Variants in APMAP observed in about 807,000 individuals in gnomAD.
The protein encoded by APMAP is adipocyte plasma membrane-associated protein.
APMAP carries 33 observed loss-of-function variants against 43.6 expected under a neutral mutation model. That is an observed-to-expected ratio of 0.76 (90% CI 0.57 to 1.01). APMAP has a LOEUF of 1.01. APMAP is among the 50% of genes least tolerant of loss of function. The pLI, the probability that APMAP is intolerant of heterozygous loss-of-function variation, is 0.00. For synonymous variants in APMAP, 224 were observed against 216.7 expected (o/e 1.03, Z -0.30); for missense variants, 498 against 540.7 (o/e 0.92, Z 0.78).
chr20:24,966,897 A>G (rs1366932947), intron 8 of APMAP, among the ~76,000 whole-genome samples: 1 of 152,236 alleles, frequency 6.6e-6, no homozygotes, highest in East Asian at 1.9e-4. Flanking sequence ...GCAGTGAGTG[A>G]CAGGGCATTA....
intron 1 of APMAP, among the ~76,000 whole-genome samples, chr20:24,991,649 T>A (rs2088193409): frequency 6.6e-6 from 1 of 152,212 alleles, no homozygotes; most frequent in African/African-American, 2.4e-5. Flanking sequence ...GGCACACTAC[T>A]GATGAACAAA....
rs2087986807 is a variant in APMAP at position 24,970,260 on chromosome 20, G to A, written c.650C>T (p.Ser217Phe). 6.2e-7 allele frequency: 1 copy of A among 1,614,016 alleles called. No homozygotes were observed. Among genetic ancestry groups the A allele is most frequent in the Non-Finnish European group, 8.5e-7 (1 of 1,180,052 alleles). ...GTCTCGTCTTTGCCATTTGCTGCTA[G>A]AATCGGTGAAATAAATCTTCCTCCC... ...QDGRKIYFTD[S>F]SSKWQRRDYL... The change falls in exon 6 of 9, where the codon TCT becomes TTT. Residue 217 changes from serine (S) to phenylalanine (F), a missense_variant. Coordinates refer to ENST00000217456, the MANE Select transcript of APMAP (RefSeq NM_020531.3).
intron 1 of APMAP, among the ~76,000 whole-genome samples, chr20:24,986,351 CACAA>C (rs1378790039): frequency 1.3e-5 from 2 of 152,172 alleles, no homozygotes; most frequent in Admixed American, 6.5e-5. Flanking sequence ...ACCCTACAAA[CACAA>C]ACAAAATGCC....
chr20:24,981,730 T>G (rs545046642), intron 2 of APMAP, among the ~76,000 whole-genome samples: 2 of 152,384 alleles, frequency 1.3e-5, no homozygotes, highest in East Asian at 3.9e-4. Flanking sequence ...TTTAAAATTA[T>G]AGCAACCAAA....
At chr20:24,987,711 T>C (rs1454982821) in intron 1 of APMAP, among the ~76,000 whole-genome samples, 1 of 152,186 alleles carries the variant, frequency 6.6e-6, no homozygotes, top group Non-Finnish European at 1.5e-5. Context: ...CTGGCCATTA[T>C]ACTAAAAATC....
Position 24,992,653 on chromosome 20 carries a change from G to A in APMAP, c.36C>T (p.Pro12=), listed in dbSNP as rs937320700. The A allele has an allele frequency of 1.3e-6, 2 of 1,560,610 alleles. No homozygotes were observed. The highest frequency in any genetic ancestry group is 1.4e-5 in the African/African-American group (1 of 72,970). ...CGTCTGTGACGACCTGCGGCCGCAGGGGCCGGCGCTGTCGCAGCCCGTCCG... is the reference window on the plus strand; with the variant it reads ...CGTCTGTGACGACCTGCGGCCGCAGAGGCCGGCGCTGTCGCAGCCCGTCCG... ...SEADGLRQRR[P]LRPQVVTDDD... is the part of the protein sequence containing the mutation. The change falls in exon 1 of 9, where the codon CCC becomes CCT. Residue 12 remains proline, a synonymous_variant. Transcript: ENST00000217456.
intron 3 of APMAP, among the ~76,000 whole-genome samples, chr20:24,975,267 T>C (rs907347195): frequency 6.6e-6 from 1 of 152,196 alleles, no homozygotes; most frequent in African/African-American, 2.4e-5. Context: ...CATAATTGTC[T>C]AGATAGAAAA....
At chr20:24,973,485 G>A (rs1024595185) in intron 4 of APMAP, among the ~76,000 whole-genome samples, 160 bp downstream of exon 4, 9 of 152,106 alleles carry the variant, frequency 5.9e-5, no homozygotes, top group Admixed American at 2.0e-4. Flanking sequence ...AGGACCACCC[G>A]GCAAATGAAG....
chr20:24,971,070 C>A (rs916372064), intron 5 of APMAP, among the ~76,000 whole-genome samples: 1 of 151,950 alleles, frequency 6.6e-6, no homozygotes, highest in Admixed American at 6.5e-5. Context: ...GGAGGAACTA[C>A]AGGAGAAAAC....
chr20:24,988,818 C>T (rs2088168806), intron 1 of APMAP, among the ~76,000 whole-genome samples: 1 of 152,238 alleles, frequency 6.6e-6, no homozygotes, highest in Non-Finnish European at 1.5e-5. Flanking sequence ...ATTAGAAATA[C>T]TAGCTTAAAT....
rs2122489365 is a variant in APMAP at position 24,969,611 on chromosome 20, G to A, written c.763C>T (p.Gln255Ter). Residue 255 changes from glutamine (Q) to a stop codon, truncating the protein, a stop_gained, in exon 7 of 9, where the codon CAG (glutamine) becomes TAG (stop). Transcript: ENST00000217456. LOFTEE classifies it high-confidence loss of function. ...VTREVKVLLD[Q>*]LRFPNGVQLS... ...TGGACTCCATTCGGGAACCGCAGCT[G>A]GTCCAATAAAACTTTTACTTCCCTG... is the stretch of plus-strand genomic sequence containing the variant. The A allele has an allele frequency of 1.2e-6, 2 of 1,614,028 alleles. No individual in the cohort carries two copies. Among genetic ancestry groups the A allele is most frequent in the Non-Finnish European group, 1.7e-6 (2 of 1,179,918 alleles).
At chr20:24,982,729 T>G (rs1044420587) in intron 2 of APMAP, among the ~76,000 whole-genome samples, 1 of 152,066 alleles carries the variant, frequency 6.6e-6, no homozygotes, top group African/African-American at 2.4e-5. Context: ...AACTGGACTA[T>G]CTAAGAAGGC....
rs2088069657 is a variant in APMAP, at chr20:24,978,480, CTT to C, written c.328+285_328+286del. On this transcript the variant is annotated intron_variant, in intron 3 of 8. Transcript: ENST00000217456. ...CTAAAAATCAGTATCTGTATTTGGC[CTT>C]TTTCCTTTCACAACACTTTGAGCAC... Among the ~76,000 whole-genome samples the C allele has an allele frequency of 2.0e-5, 3 of 152,198 alleles. No individual in the cohort carries two copies. In the South Asian group the frequency reaches 6.2e-4, roughly 31 times the overall value.
chr20:24,969,174 A>T, intron 7 of APMAP, 90 bp from the exon 8 acceptor site: 2 of 1,263,986 alleles, frequency 1.6e-6, no homozygotes, highest in Non-Finnish European at 2.2e-6. Context: ...TCTTGGTCCA[A>T]ATATATATAT....
At chr20:24,965,684 G>A (rs1396117072) in intron 8 of APMAP, among the ~76,000 whole-genome samples, 2 of 152,234 alleles carry the variant, frequency 1.3e-5, no homozygotes, top group Non-Finnish European at 2.9e-5. Flanking sequence ...GCGAAAGGCA[G>A]CCTCCAGCAC....
intron 8 of APMAP, among the ~76,000 whole-genome samples, chr20:24,966,067 G>A (rs1027167850): frequency 6.6e-6 from 1 of 152,170 alleles, no homozygotes; most frequent in Admixed American, 6.5e-5. Flanking sequence ...ACCCAAAGCA[G>A]CGAGTACACT....
intron 3 of APMAP, among the ~76,000 whole-genome samples, chr20:24,978,306 G>GTAC (rs2088068269): frequency 6.6e-6 from 1 of 152,146 alleles, no homozygotes; most frequent in Admixed American, 6.5e-5. Context: ...ACCCTTAAGT[G>GTAC]TACCCATCAA....
chr20:24,988,465 A>T (rs2088166449), intron 1 of APMAP, among the ~76,000 whole-genome samples: 1 of 152,212 alleles, frequency 6.6e-6, no homozygotes, highest in Non-Finnish European at 1.5e-5. Context: ...TTACAGCCAG[A>T]AAGGAGGCCA....
chr20:24,992,349 A>AGGAC (rs1198652297), intron 1 of APMAP, among the ~76,000 whole-genome samples: 1 of 152,212 alleles, frequency 6.6e-6, no homozygotes, highest in Non-Finnish European at 1.5e-5. Flanking sequence ...CGGAGAGCCG[A>AGGAC]GGACAACGCG....
Sources: gnomAD v4.1 joint callset for allele counts (sites outside exome capture counted in the v4.1 genomes callset) on GRCh38, gnomAD v4.1.1 for gene constraint, MANE v1.5 for transcripts, NCBI Gene and HGNC (gene_info 2026-07-23, HGNC 2026-07-21) for gene names.